The following USP24 variants were observed in gnomAD, a reference collection of about 807,000 sequenced individuals.
The protein encoded by USP24 is ubiquitin carboxyl-terminal hydrolase 24.
USP24 carries 97 observed loss-of-function variants against 361.6 expected under a neutral mutation model. That is an observed-to-expected ratio of 0.27 (90% CI 0.23 to 0.32). The LOEUF (loss-of-function observed/expected upper bound fraction) is 0.32, where lower values mean the gene tolerates loss of function less well. Among genes scored for constraint, USP24 ranks in the 10% least tolerant of loss-of-function variants. The pLI, the probability that USP24 is intolerant of heterozygous loss-of-function variation, is 1.00. For missense variants in USP24, 2,353 were observed against 3,165.6 expected (o/e 0.74, Z 6.16); for synonymous variants, 1,098 against 1,124.6 (o/e 0.98, Z 0.47).
chr1:55,125,936 A>G (rs1374829872), intron 32 of USP24, among the ~76,000 whole-genome samples, 178 bp from the exon 33 acceptor site: 1 of 152,186 alleles, frequency 6.6e-6, no homozygotes, highest in African/African-American at 2.4e-5. Flanking sequence ...TAAGCTTCCT[A>G]ACTATTCTCC....
At chr1:55,161,381 AAAAAG>A (rs533447418) in intron 8 of USP24, among the ~76,000 whole-genome samples, 1 of 151,818 alleles carries the variant, frequency 6.6e-6, no homozygotes, top group African/African-American at 2.4e-5. Flanking sequence ...GGAAAAAAAA[AAAAAG>A]AAAAGAAAAG....
rs761015892 is a variant in USP24 at position 55,145,986 on chromosome 1, G to A, written c.2362+12C>T. The stretch of plus-strand genomic sequence containing the variant: ...AAAGTACTGAAAAAAATGATTTTAA[G>A]TTTTTTCCTACCATTCATAGTGATT... On this transcript the variant is annotated intron_variant, in intron 20 of 67. Coordinates refer to ENST00000294383, the MANE Select transcript of USP24 (RefSeq NM_015306.3). 5.1e-6 allele frequency: 8 copies of A among 1,575,650 alleles called. No individual in the cohort carries two copies. Among genetic ancestry groups the A allele is most frequent in the Non-Finnish European group, 7.0e-6 (8 of 1,148,650 alleles).
chr1:55,138,558 A>G (rs1646800649), intron 26 of USP24, 50 bp downstream of exon 26: 1 of 1,374,286 alleles, frequency 7.3e-7, no homozygotes, highest in Non-Finnish European at 1.0e-6. Flanking sequence ...CTGCTTTATG[A>G]AAATAATAAG....
At position 55,194,098 on chromosome 1, in the gene USP24, A is replaced by G. The variant is rs145748604; in HGVS notation, c.325-15966T>C. 2.1e-3 allele frequency among the ~76,000 whole-genome samples: 319 copies of G among 152,326 alleles called. 6 individuals are homozygous for G. The highest frequency in any genetic ancestry group is 0.015 in the Admixed American group (235 of 15,306). On this transcript the variant is annotated intron_variant, in intron 1 of 67. Transcript: ENST00000294383. ...ATGCACCCCAAGCCAAGAATTGGGG[A>G]GGTAAGAGAGGACTATCAAGTAAAA...
At chr1:55,153,589 A>C (rs1176094418) in intron 16 of USP24, among the ~76,000 whole-genome samples, 1 of 152,130 alleles carries the variant, frequency 6.6e-6, no homozygotes, top group Admixed American at 6.6e-5. Context: ...TTTAGATTTA[A>C]TTTTAAAAAG....
At chr1:55,107,186 C>A in intron 40 of USP24, 53 bp downstream of exon 40, 1 of 1,563,146 alleles carries the variant, frequency 6.4e-7, no homozygotes, top group Non-Finnish European at 8.7e-7. Context: ...ACAGTACTGG[C>A]AATAACCGAG....
chr1:55,182,839 C>G (rs1477624778), intron 1 of USP24, among the ~76,000 whole-genome samples: 1 of 152,150 alleles, frequency 6.6e-6, no homozygotes, highest in Non-Finnish European at 1.5e-5. Context: ...CTCACCCTCC[C>G]GAGTAGCTGG....
chr1:55,092,931 T>A lies in USP24; in HGVS notation c.6355-15A>T. The A allele has an allele frequency of 6.8e-7, 1 of 1,478,282 alleles. No homozygotes were observed. 91.6% of individuals were successfully genotyped at this position (1,478,282 alleles called of 1,614,324 possible). On this transcript the variant is annotated splice_polypyrimidine_tract_variant and intron_variant, in intron 52 of 67. Coordinates refer to ENST00000294383, the MANE Select transcript of USP24 (RefSeq NM_015306.3). ...TCTCTCACCATCTACAAAAGAAGAT[T>A]AATAATTATTTTTATGAAATGGAAA...
chr1:55,125,609 G>A, intron 33 of USP24, 54 bp downstream of exon 33: 6 of 1,577,638 alleles, frequency 3.8e-6, no homozygotes, highest in Non-Finnish European at 5.2e-6. Flanking sequence ...AACATGATTT[G>A]CGAAGAAAAA....
At chr1:55,138,465 C>T in intron 26 of USP24, 143 bp downstream of exon 26, 1 of 567,474 alleles carries the variant, frequency 1.8e-6, no homozygotes, top group Non-Finnish European at 3.1e-6. Flanking sequence ...TTGTACCCCA[C>T]AGTTTCATTT....
At chr1:55,140,004 C>A (rs946719556) in intron 24 of USP24, among the ~76,000 whole-genome samples, 1 of 151,574 alleles carries the variant, frequency 6.6e-6, no homozygotes, top group Non-Finnish European at 1.5e-5. Context: ...GACAGAAACC[C>A]CCCCCACCCC....
intron 24 of USP24, among the ~76,000 whole-genome samples, chr1:55,140,386 T>C (rs1381624009): frequency 6.6e-6 from 1 of 152,172 alleles, no homozygotes; most frequent in Non-Finnish European, 1.5e-5. Flanking sequence ...GAATTCTTAA[T>C]ACACATTTTA....
chr1:55,213,073 T>C (rs1644887767), intron 1 of USP24, among the ~76,000 whole-genome samples: 1 of 152,174 alleles, frequency 6.6e-6, no homozygotes, highest in Non-Finnish European at 1.5e-5. Flanking sequence ...AAGAATCACA[T>C]TTCTCACATA....
intron 59 of USP24, 116 bp downstream of exon 59, chr1:55,081,206 C>T: frequency 9.7e-7 from 1 of 1,035,646 alleles, no homozygotes; most frequent in Non-Finnish European, 1.4e-6. Flanking sequence ...TTAAGTGCAC[C>T]TCAACTAGCA....
At chr1:55,142,032 A>C (rs1056153884) in intron 23 of USP24, among the ~76,000 whole-genome samples, 2 of 152,026 alleles carry the variant, frequency 1.3e-5, no homozygotes, top group African/African-American at 4.8e-5. Context: ...CGAATACTTG[A>C]ATTTTTTTTA....
intron 28 of USP24, among the ~76,000 whole-genome samples, chr1:55,137,025 G>A (rs954013131): frequency 4.6e-5 from 7 of 152,132 alleles, no homozygotes; most frequent in South Asian, 2.1e-4. Flanking sequence ...AGATCAGGGA[G>A]ATGAAGAGAA....
At position 55,128,057 on chromosome 1, in the gene USP24, T is replaced by C. The variant is rs535230854; in HGVS notation, c.3635+1420A>G. ...CTACTTCACATGACTCAGAAGGACC[T>C]TGTATACAAACAAACTTATTTCTCT... On this transcript the variant is annotated intron_variant, in intron 32 of 67. Coordinates refer to ENST00000294383, the MANE Select transcript of USP24 (RefSeq NM_015306.3). Among the ~76,000 whole-genome samples the C allele has an allele frequency of 1.8e-4, 27 of 152,348 alleles. No homozygotes were observed. The South Asian group carries it at 5.4e-3, about 30-fold the overall frequency.
intron 12 of USP24, among the ~76,000 whole-genome samples, chr1:55,155,345 T>A (rs1461963918): frequency 6.6e-6 from 1 of 152,202 alleles, no homozygotes; most frequent in African/African-American, 2.4e-5. Context: ...CATGCCTCAC[T>A]GTTCATCATG....
chr1:55,107,188 A>G (rs919350398), intron 40 of USP24, 51 bp downstream of exon 40: 2 of 1,566,232 alleles, frequency 1.3e-6, no homozygotes, highest in Non-Finnish European at 1.7e-6. Flanking sequence ...AGTACTGGCA[A>G]TAACCGAGCA....
Sources: gnomAD v4.1 joint callset for allele counts (sites outside exome capture counted in the v4.1 genomes callset) on GRCh38, gnomAD v4.1.1 for gene constraint, MANE v1.5 for transcripts, NCBI Gene and HGNC (gene_info 2026-07-23, HGNC 2026-07-21) for gene names.